Variants in SMARCC1 observed in about 807,000 individuals in gnomAD.
The protein encoded by SMARCC1 is SWI/SNF related BAF chromatin remodeling complex subunit C1.
A neutral mutation model predicts 147.4 loss-of-function variants in SMARCC1; 43 were observed. The ratio of observed to expected loss-of-function variants is 0.29; its 90% CI spans 0.23 to 0.38. The LOEUF (loss-of-function observed/expected upper bound fraction) is 0.38. SMARCC1 is among the 10% of genes least tolerant of loss of function. The pLI, the probability that SMARCC1 is intolerant of heterozygous loss-of-function variation, is 1.00. For missense variants in SMARCC1, 1,119 were observed against 1,381.1 expected (o/e 0.81, Z 3.01); for synonymous variants, 495 against 484.4 (o/e 1.02, Z -0.29).
chr3:47,727,953 G>C (rs540075299), intron 6 of SMARCC1, among the ~76,000 whole-genome samples: 2 of 151,878 alleles, frequency 1.3e-5, no homozygotes, highest in East Asian at 1.9e-4. Flanking sequence ...GCTACGCAAA[G>C]GCACAATTAT....
intron 21 of SMARCC1, among the ~76,000 whole-genome samples, chr3:47,653,019 C>T (rs1050729717): frequency 2.9e-4 from 43 of 149,852 alleles, no homozygotes; most frequent in Admixed American, 1.0e-3. Context: ...TGCAGTGGCG[C>T]AATCTCGGCT....
intron 12 of SMARCC1, among the ~76,000 whole-genome samples, chr3:47,692,989 G>A (rs553271767): frequency 4.6e-5 from 7 of 151,798 alleles, no homozygotes; most frequent in South Asian, 2.1e-4. Context: ...GTGAGATTCC[G>A]TCTTAAAAAA....
At chr3:47,720,120 G>A (rs1460251170) in intron 7 of SMARCC1, among the ~76,000 whole-genome samples, 1 of 151,828 alleles carries the variant, frequency 6.6e-6, no homozygotes, top group Non-Finnish European at 1.5e-5. Context: ...AAAGATATGA[G>A]GTTTTGTTTT....
chr3:47,604,483 G>T, intron 26 of SMARCC1: 1 of 366,072 alleles, frequency 2.7e-6, no homozygotes, highest in Non-Finnish European at 5.4e-6. Flanking sequence ...TAGGAATCAT[G>T]AGTTGGAAGG....
At chr3:47,685,974 A>C in intron 14 of SMARCC1, 75 bp downstream of exon 14, 6 of 1,262,762 alleles carry the variant, frequency 4.8e-6, no homozygotes, top group Non-Finnish European at 6.7e-6. Context: ...CATGGGCAGA[A>C]AGGCACAACC....
chr3:47,744,617 G>A (rs888155157), intron 3 of SMARCC1, among the ~76,000 whole-genome samples: 1 of 152,010 alleles, frequency 6.6e-6, no homozygotes, highest in Non-Finnish European at 1.5e-5. Flanking sequence ...AGATGCTAAG[G>A]TTATAAACTG....
At chr3:47,675,931 C>T (rs1259119126) in intron 17 of SMARCC1, among the ~76,000 whole-genome samples, 1 of 145,750 alleles carries the variant, frequency 6.9e-6, no homozygotes, top group Admixed American at 6.9e-5. Context: ...GGGAACAGTG[C>T]AAGATTCCGT....
chr3:47,750,015 G>C (rs2034611794), intron 2 of SMARCC1, among the ~76,000 whole-genome samples: 1 of 151,412 alleles, frequency 6.6e-6, no homozygotes. Flanking sequence ...CCGGGACATG[G>C]AGCTTGCAGT....
At chr3:47,740,431 G>C (rs890641842) in intron 3 of SMARCC1, among the ~76,000 whole-genome samples, 6 of 151,596 alleles carry the variant, frequency 4.0e-5, no homozygotes, top group Non-Finnish European at 8.8e-5. Context: ...TCCTGACCTC[G>C]AGATCCACCC....
At chr3:47,740,850 C>CAA (rs60339024) in intron 3 of SMARCC1, among the ~76,000 whole-genome samples, 931 of 77,692 alleles carry the variant, frequency 0.012, 13 homozygotes, top group African/African-American at 0.034. Flanking sequence ...GACTCTGACT[C>CAA]AAAAAAAAAA....
chr3:47,621,477 A>G (rs2032730888), intron 25 of SMARCC1, among the ~76,000 whole-genome samples: 1 of 152,114 alleles, frequency 6.6e-6, no homozygotes, highest in African/African-American at 2.4e-5. Flanking sequence ...ACACAGCAAT[A>G]AAAAAAAGAA....
chr3:47,726,996 G>C (rs1253462035), intron 6 of SMARCC1, among the ~76,000 whole-genome samples: 5 of 151,308 alleles, frequency 3.3e-5, no homozygotes, highest in African/African-American at 4.9e-5. Context: ...GATCACTTGA[G>C]GTCAGGAGTT....
At chr3:47,628,280 C>T (rs1162115685) in intron 24 of SMARCC1, among the ~76,000 whole-genome samples, 1 of 152,134 alleles carries the variant, frequency 6.6e-6, no homozygotes, top group Non-Finnish European at 1.5e-5. Flanking sequence ...TAGTTCATAT[C>T]ACTGTGCTGA....
intron 6 of SMARCC1, among the ~76,000 whole-genome samples, chr3:47,725,244 T>C (rs921233386): frequency 3.3e-5 from 5 of 151,964 alleles, no homozygotes; most frequent in Admixed American, 6.6e-5. Context: ...CATGCTTTCA[T>C]TTCTACGAAA....
At chr3:47,708,093 T>TTTTC (rs2034035636) in intron 9 of SMARCC1, among the ~76,000 whole-genome samples, 2 of 103,006 alleles carry the variant, frequency 1.9e-5, no homozygotes, top group Non-Finnish European at 3.8e-5. Flanking sequence ...CTTTTTTTTT[T>TTTTC]TTTTTTTTTT....
intron 2 of SMARCC1, among the ~76,000 whole-genome samples, chr3:47,771,254 T>TA (rs1260597404): frequency 6.6e-6 from 1 of 152,166 alleles, no homozygotes; most frequent in African/African-American, 2.4e-5. Flanking sequence ...AGTAAGTTGT[T>TA]AAACGATTTA....
Position 47,617,370 on chromosome 3 carries a change from T to A in SMARCC1, c.2781+4837A>T, listed in dbSNP as rs58072914. 2.0e-3 allele frequency among the ~76,000 whole-genome samples: 305 copies of A among 152,374 alleles called. 1 individual carries two copies. The highest frequency in any genetic ancestry group is 7.0e-3 in the African/African-American group (291 of 41,584). ...TCTTGCTTATGGCTTCCTCACATAG[T>A]TTGCCAGGAAATAAAGTGAGTAAAT... On this transcript the variant is annotated intron_variant, in intron 25 of 27. Transcript: ENST00000254480.
intron 22 of SMARCC1, among the ~76,000 whole-genome samples, chr3:47,638,161 G>A (rs953290010): frequency 3.3e-5 from 5 of 152,084 alleles, no homozygotes; most frequent in Non-Finnish European, 5.9e-5. Flanking sequence ...CGCGATCTCG[G>A]CTCACTGCAA....
At chr3:47,633,777 T>TACACAC (rs1207095997) in intron 24 of SMARCC1, among the ~76,000 whole-genome samples, 44 of 46,514 alleles carry the variant, frequency 9.5e-4, no homozygotes, top group African/African-American at 3.7e-3. Flanking sequence ...TATATATATA[T>TACACAC]ATACACACAC....
Sources: allele counts gnomAD v4.1 joint callset (sites outside exome capture counted in the v4.1 genomes callset), GRCh38; gene constraint gnomAD v4.1.1; transcripts MANE v1.5; gene names NCBI Gene and HGNC (gene_info 2026-07-23, HGNC 2026-07-21).